The following SPICE1 variants were observed in gnomAD, a reference collection of about 807,000 sequenced individuals.
SPICE1 encodes the protein spindle and centriole associated protein 1, also known as spindle and centriole-associated protein 1.
Under a neutral mutation model 102.7 loss-of-function variants are expected in SPICE1, and 75 were observed. The ratio of observed to expected loss-of-function variants is 0.73; its 90% CI spans 0.61 to 0.88. The LOEUF is 0.88. Among genes scored for constraint, SPICE1 ranks in the 40% least tolerant of loss-of-function variants. The probability of loss-of-function intolerance (pLI) is 0.00; values close to 1 mark genes in which losing one functional copy is unlikely to be tolerated. For missense variants in SPICE1, 979 were observed against 1,020.1 expected (o/e 0.96, Z 0.55); for synonymous variants, 308 against 350.3 (o/e 0.88, Z 1.35).
At chr3:113,476,577 C>T (rs1191764182) in intron 7 of SPICE1, among the ~76,000 whole-genome samples, 1 of 142,576 alleles carries the variant, frequency 7.0e-6, no homozygotes, top group Non-Finnish European at 1.5e-5. Context: ...TTACTGGTAC[C>T]AAAACAGAGA....
intron 15 of SPICE1, 147 bp from the exon 16 acceptor site, chr3:113,448,287 C>CTTTT: frequency 4.2e-6 from 2 of 473,470 alleles, no homozygotes; most frequent in Non-Finnish European, 3.4e-6. Flanking sequence ...ACTTGAAAGA[C>CTTTT]TTTTTTTTTT....
At chr3:113,459,452 AAAAC>A (rs1051288962) in intron 12 of SPICE1, 49 of 971,148 alleles carry the variant, frequency 5.0e-5, no homozygotes, top group African/African-American at 1.4e-4. Context: ...AAAACAAAAC[AAAAC>A]AAAAAAAAAC....
intron 10 of SPICE1, among the ~76,000 whole-genome samples, chr3:113,466,671 C>T (rs1281420561): frequency 2.0e-5 from 3 of 151,284 alleles, no homozygotes; most frequent in Non-Finnish European, 2.9e-5. Context: ...CAAAAGTATA[C>T]TCCTGAAGAT....
intron 7 of SPICE1, among the ~76,000 whole-genome samples, chr3:113,487,715 GATAAAACAGT>G (rs1936678633): frequency 1.3e-5 from 2 of 152,168 alleles, no homozygotes; most frequent in African/African-American, 4.8e-5. Context: ...ATAAATAAAA[GATAAAACAGT>G]ATAATCCATT....
At chr3:113,449,501 T>C (rs912509817) in intron 15 of SPICE1, 7 of 152,218 alleles carry the variant, frequency 4.6e-5, no homozygotes, top group African/African-American at 2.4e-5. Context: ...ACCATCTTTT[T>C]CCAGCAATTT....
At position 113,450,392 on chromosome 3, in the gene SPICE1, C is replaced by A. The variant is rs756311988; in HGVS notation, c.2267G>T (p.Gly756Val). The A allele has an allele frequency of 1.2e-6, 2 of 1,614,136 alleles. No individual in the cohort carries two copies. Among genetic ancestry groups the A allele is most frequent in the Non-Finnish European group, 1.7e-6 (2 of 1,180,028 alleles). The change falls in exon 15 of 18, where the codon GGT becomes GTT. Residue 756 changes from glycine to valine, a missense_variant. Gly to Val is a moderately radical substitution (Grantham distance 109). Coordinates refer to ENST00000295872, the MANE Select transcript of SPICE1 (RefSeq NM_144718.4). ...LQLIEQQKLV[G>V]LNLSPPMSPV... is the part of the protein sequence containing the mutation. Reference sequence around the variant, plus strand: ...TGACATTGGTGGAGAAAGATTCAAACCAACAAGTTTCTGCTGCTCTATCAA... The same window carrying A: ...TGACATTGGTGGAGAAAGATTCAAAACAACAAGTTTCTGCTGCTCTATCAA...
intron 1 of SPICE1, among the ~76,000 whole-genome samples, chr3:113,508,452 G>A (rs150913998): frequency 6.6e-6 from 1 of 152,152 alleles, no homozygotes; most frequent in Non-Finnish European, 1.5e-5. Context: ...TTAAAAATGG[G>A]CATAGGACTT....
At chr3:113,511,938 G>A (rs552796150) in intron 1 of SPICE1, among the ~76,000 whole-genome samples, 1 of 152,122 alleles carries the variant, frequency 6.6e-6, no homozygotes, top group African/African-American at 2.4e-5. Flanking sequence ...AACTTTGCCA[G>A]AATTGGGTTA....
chr3:113,507,728 A>T (rs1937139626), intron 1 of SPICE1, among the ~76,000 whole-genome samples: 1 of 152,198 alleles, frequency 6.6e-6, no homozygotes, highest in Admixed American at 6.5e-5. Flanking sequence ...GGTGGTAATG[A>T]TGGCATCAGC....
intron 17 of SPICE1, among the ~76,000 whole-genome samples, chr3:113,446,103 A>G (rs1002242397): frequency 3.3e-5 from 5 of 152,248 alleles, no homozygotes; most frequent in African/African-American, 1.2e-4. Flanking sequence ...ATACATGAAG[A>G]ACACATTAAG....
intron 7 of SPICE1, among the ~76,000 whole-genome samples, chr3:113,481,229 C>T (rs1936492538): frequency 6.6e-6 from 1 of 152,032 alleles, no homozygotes; most frequent in Admixed American, 6.6e-5. Flanking sequence ...ACATGGAAAT[C>T]AGTAACTTTC....
chr3:113,487,415 T>C (rs1019024718), intron 7 of SPICE1, among the ~76,000 whole-genome samples: 1 of 152,196 alleles, frequency 6.6e-6, no homozygotes. Flanking sequence ...TATGTTCATA[T>C]ACATATGACT....
In SPICE1 at chr3:113,515,155, T is replaced by G; in HGVS notation, c.-259A>C. 1 of 171,918 alleles carries G rather than the reference T, an allele frequency of 5.8e-6. No homozygotes were observed. Among genetic ancestry groups the G allele is most frequent in the Non-Finnish European group, 1.2e-5 (1 of 80,008 alleles). 10.6% of individuals were successfully genotyped at this position (171,918 alleles called of 1,614,324 possible). A position where few individuals can be genotyped will look rare whatever the true frequency, so the allele number is the denominator to read the frequency against. ...CCGGAACCGCGGAGCGCGCCACAGG[T>G]TAACCCAGCCAGCGGCTTCCGGGCT... On this transcript the variant is annotated 5_prime_UTR_variant, in exon 1 of 18. Coordinates refer to ENST00000295872, the MANE Select transcript of SPICE1 (RefSeq NM_144718.4).
rs1422992238 is a variant in SPICE1, at chr3:113,487,539, T to C, written c.611+1406A>G. Among the ~76,000 whole-genome samples, 3 of 152,152 alleles carry C rather than the reference T, an allele frequency of 2.0e-5. No individual in the cohort carries two copies. The East Asian group carries it at 5.8e-4, about 29-fold the overall frequency. On this transcript the variant is annotated intron_variant, in intron 7 of 17. Transcript: ENST00000295872. ...AGAGCTTGGTTTTTAAATACCCTTC[T>C]TTAATAAAATGAGCTAAGGATTCTT...
intron 4 of SPICE1, among the ~76,000 whole-genome samples, chr3:113,494,738 TTAAAA>T (rs747866056): frequency 2.0e-5 from 3 of 152,182 alleles, no homozygotes; most frequent in Non-Finnish European, 4.4e-5. Context: ...AAAAAGTTAA[TTAAAA>T]TAAAAGTTTT....
chr3:113,452,987 AAAAC>A (rs1038965785), intron 14 of SPICE1, among the ~76,000 whole-genome samples: 9 of 152,146 alleles, frequency 5.9e-5, no homozygotes, highest in Non-Finnish European at 8.8e-5. Flanking sequence ...CAAAAAAAAC[AAAAC>A]AAACAAACAA....
intron 14 of SPICE1, among the ~76,000 whole-genome samples, chr3:113,450,891 T>C (rs980450682): frequency 2.0e-5 from 3 of 152,330 alleles, no homozygotes; most frequent in African/African-American, 7.2e-5. Context: ...TTATTATATA[T>C]AAATGTGAAT....
chr3:113,450,297 T>C (rs1347225191), intron 15 of SPICE1, 39 bp downstream of exon 15: 2 of 1,611,114 alleles, frequency 1.2e-6, no homozygotes, highest in Non-Finnish European at 1.7e-6. Context: ...CTGAAAACCT[T>C]CATATTTCTA....
chr3:113,468,652 G>A, intron 9 of SPICE1, 110 bp downstream of exon 9: 1 of 1,314,362 alleles, frequency 7.6e-7, no homozygotes, highest in South Asian at 1.5e-5. Flanking sequence ...TAAACTTTCA[G>A]TTGGAACCAT....
Sources: gnomAD v4.1 joint callset for allele counts (sites outside exome capture counted in the v4.1 genomes callset) on GRCh38, gnomAD v4.1.1 for gene constraint, MANE v1.5 for transcripts, NCBI Gene and HGNC (gene_info 2026-07-23, HGNC 2026-07-21) for gene names.